SNED1: variants seen among roughly 807,000 people sequenced by gnomAD.
SNED1 encodes sushi, nidogen and EGF like domains 1.
A neutral mutation model predicts 166.7 loss-of-function variants in SNED1; 81 were observed. That is an observed-to-expected ratio of 0.49 (90% CI 0.41 to 0.58). SNED1 has a LOEUF of 0.58. SNED1 is among the 20% of genes least tolerant of loss of function. The pLI is 0.00. For synonymous variants in SNED1, 762 were observed against 822.0 expected (o/e 0.93, Z 1.25); for missense variants, 1,604 against 2,000.2 (o/e 0.80, Z 3.78).
Position 241,067,762 on chromosome 2 carries a change from A to C in SNED1, c.3011-2A>C. The C allele has an allele frequency of 1.2e-6, 2 of 1,602,296 alleles. No homozygotes were observed. The highest frequency in any genetic ancestry group is 1.7e-6 in the Non-Finnish European group (2 of 1,170,988). The stretch of plus-strand genomic sequence containing the variant: ...ACCTGCTGAACAGTCCATTCCCCCT[A>C]GGACCCCGCCCTGTGGAAGGCTTCG... On this transcript the variant is annotated splice_acceptor_variant, in intron 21 of 31. Coordinates refer to ENST00000310397, the MANE Select transcript of SNED1 (RefSeq NM_001080437.3). LOFTEE classifies it high-confidence loss of function.
intron 8 of SNED1, among the ~76,000 whole-genome samples, chr2:241,042,870 G>A (rs759296807): frequency 2.1e-4 from 32 of 152,214 alleles, no homozygotes; most frequent in Admixed American, 2.6e-4. Flanking sequence ...CCTGCAGAAC[G>A]ATATTAGGGT....
chr2:240,998,904 C>A lies in SNED1; in HGVS notation c.67C>A (p.Arg23Ser). 1 of 1,231,070 alleles carries A rather than the reference C, an allele frequency of 8.1e-7. No homozygotes were observed. The highest frequency in any genetic ancestry group is 1.0e-6 in the Non-Finnish European group (1 of 986,726). The allele number at this position is 1,231,070 out of a possible 1,614,324, so 76.3% of individuals were successfully genotyped here. A position where few individuals can be genotyped will look rare whatever the true frequency, so the allele number is the denominator to read the frequency against. Residue 23 changes from arginine (R) to serine (S), a missense_variant, in exon 1 of 32, where the codon CGC becomes AGC. By Grantham distance (110) the Arg-to-Ser change is moderately radical. Around this residue, in one of 2 missense-constraint regions of SNED1, gnomAD observed 1,237 missense variants for 1,620.8 expected, o/e 0.76. Transcript: ENST00000310397. ...CCTGGGGCTTGGGGCGCGCGGGGTGCGCGGCGCGGTGGCCCTTGCCGACTT... is the reference window on the plus strand; with the variant it reads ...CCTGGGGCTTGGGGCGCGCGGGGTGAGCGGCGCGGTGGCCCTTGCCGACTT... ...AALGLGARGV[R>S]GAVALADFYP...
intron 16 of SNED1, among the ~76,000 whole-genome samples, chr2:241,061,561 G>A (rs1270398229): frequency 6.6e-6 from 1 of 152,112 alleles, no homozygotes; most frequent in East Asian, 1.9e-4. Flanking sequence ...CCAGGAGATG[G>A]GAAAGAATAT....
At chr2:241,041,365 A>G (rs992171420) in intron 8 of SNED1, 1 of 158,206 alleles carries the variant, frequency 6.3e-6, no homozygotes, top group Non-Finnish European at 1.4e-5. Context: ...TTTCTACAGA[A>G]TAATGATGCA....
chr2:241,078,910 T>C (rs1264880758), intron 27 of SNED1, among the ~76,000 whole-genome samples: 2 of 148,020 alleles, frequency 1.4e-5, no homozygotes, highest in African/African-American at 5.0e-5. Context: ...GGTCAGGAGT[T>C]CGAGACCAGC....
At chr2:241,024,647 T>TTTATC (rs1429495328) in intron 1 of SNED1, among the ~76,000 whole-genome samples, 1 of 145,980 alleles carries the variant, frequency 6.9e-6, no homozygotes, top group Non-Finnish European at 1.5e-5. Context: ...CATGCCTTAT[T>TTTATC]TTATCTTATT....
chr2:241,090,204 A>T (rs2063840558), intron 31 of SNED1: 1 of 1,474,796 alleles, frequency 6.8e-7, no homozygotes, highest in Non-Finnish European at 9.0e-7. Context: ...TGTTTTTAAA[A>T]TTTTTAATTG....
At chr2:241,077,892 C>T (rs1473909942) in intron 27 of SNED1, among the ~76,000 whole-genome samples, 1 of 152,130 alleles carries the variant, frequency 6.6e-6, no homozygotes, top group Non-Finnish European at 1.5e-5. Flanking sequence ...TAAAGTGGTA[C>T]AGCTGCTCTG....
intron 1 of SNED1, among the ~76,000 whole-genome samples, chr2:241,004,328 T>C (rs1279473177): frequency 6.6e-6 from 1 of 152,254 alleles, no homozygotes; most frequent in Non-Finnish European, 1.5e-5. Context: ...TACTGATTTT[T>C]TTTAATCCAG....
chr2:241,057,650 C>T (rs2062100265), intron 16 of SNED1, among the ~76,000 whole-genome samples: 1 of 151,866 alleles, frequency 6.6e-6, no homozygotes, highest in Non-Finnish European at 1.5e-5. Context: ...TGCCACTGCC[C>T]TCCAGCCTGG....
At chr2:241,071,291 G>A (rs2062701311) in intron 24 of SNED1, 1 of 501,172 alleles carries the variant, frequency 2.0e-6, no homozygotes, top group East Asian at 3.2e-5. Flanking sequence ...TGAGTGACGG[G>A]CAGGGGCCTA....
chr2:241,089,585 A>G (rs1222456157), intron 31 of SNED1, among the ~76,000 whole-genome samples: 1 of 152,202 alleles, frequency 6.6e-6, no homozygotes, highest in East Asian at 1.9e-4. Context: ...AAGTCTCTCC[A>G]TAAGAGAGTA....
chr2:241,082,499 A>G, intron 29 of SNED1, 135 bp downstream of exon 29: 1 of 635,426 alleles, frequency 1.6e-6, no homozygotes. Flanking sequence ...TGCTTTGACC[A>G]TCGATTCCCT....
intron 16 of SNED1, 111 bp downstream of exon 16, chr2:241,053,437 C>A: frequency 9.2e-7 from 1 of 1,089,516 alleles, no homozygotes; most frequent in Non-Finnish European, 1.3e-6. Context: ...CCAGCTCTGA[C>A]CTGGTCCTGC....
Position 241,084,134 on chromosome 2 carries a change from ATTTTTT to A in SNED1, c.4121+1784_4121+1789del, listed in dbSNP as rs368364855. On this transcript the variant is annotated intron_variant, in intron 29 of 31. Coordinates refer to ENST00000310397, the MANE Select transcript of SNED1 (RefSeq NM_001080437.3). The stretch of plus-strand genomic sequence containing the variant: ...GTTCAATATGATGGCAGCGTCTAGG[ATTTTTT>A]TTTTTTTTTTTTTGAGACAAAGTCT... Among the ~76,000 whole-genome samples the A allele has an allele frequency of 4.1e-5, 5 of 123,320 alleles. No individual in the cohort carries two copies. In the East Asian group the frequency reaches 1.2e-3, roughly 29 times the overall value. 80.9% of individuals were successfully genotyped at this position (123,320 alleles called of 152,430 possible).
At chr2:241,084,629 G>A (rs949856734) in intron 29 of SNED1, among the ~76,000 whole-genome samples, 2 of 152,072 alleles carry the variant, frequency 1.3e-5, no homozygotes, top group African/African-American at 2.4e-5. Flanking sequence ...TGCACTATAC[G>A]TTATTTTTGC....
intron 3 of SNED1, 106 bp downstream of exon 3, chr2:241,033,981 C>A: frequency 7.5e-7 from 1 of 1,337,928 alleles, no homozygotes; most frequent in Non-Finnish European, 1.0e-6. Context: ...GCAGATCCCC[C>A]AGTACCGTGC....
rs761722045 is a variant in SNED1, at chr2:241,030,612, C to CT, written c.501+42dup. The CT allele has an allele frequency of 1.9e-6, 3 of 1,596,892 alleles. No individual in the cohort carries two copies. The African/African-American group carries it at 4.0e-5, about 21-fold the overall frequency. On this transcript the variant is annotated intron_variant, in intron 2 of 31. Transcript: ENST00000310397. The stretch of plus-strand genomic sequence containing the variant: ...TGTCCTGGGGAGGGTGGGTGTGTGG[C>CT]TAGGGCCCAGGGTCTCCCCGCACCA...
At chr2:241,052,263 A>T (rs1463289054) in intron 14 of SNED1, 92 bp from the exon 15 acceptor site, 2 of 1,432,082 alleles carry the variant, frequency 1.4e-6, no homozygotes, top group African/African-American at 2.8e-5. Flanking sequence ...GAGGCGCAGG[A>T]GGTGGAGCTG....
Sources: gnomAD v4.1 joint callset for allele counts (sites outside exome capture counted in the v4.1 genomes callset) on GRCh38, gnomAD v4.1.1 for gene constraint, gnomAD v4.1.1 regional missense constraint, MANE v1.5 for transcripts, NCBI Gene and HGNC (gene_info 2026-07-23, HGNC 2026-07-21) for gene names.